NECAB1: variants seen among roughly 807,000 people sequenced by gnomAD.
The protein encoded by NECAB1 is N-terminal EF-hand calcium-binding protein 1.
A neutral mutation model predicts 57.5 loss-of-function variants in NECAB1; 29 were observed. The observed-to-expected ratio is 0.50, with a 90% CI of 0.38 to 0.69. The LOEUF is 0.69. Among genes scored for constraint, NECAB1 ranks in the 30% least tolerant of loss-of-function variants. NECAB1 has a pLI of 0.00. For synonymous variants in NECAB1, 142 were observed against 147.7 expected, an observed-to-expected ratio of 0.96 and a Z score of 0.28; for missense variants, 372 against 413.8, an observed-to-expected ratio of 0.90 and a Z score of 0.88.
In NECAB1 at chr8:90,791,844, C is replaced by G. The variant is rs1435029410; in HGVS notation, c.-43C>G. The G allele has an allele frequency of 6.7e-7, 1 of 1,489,450 alleles. No homozygotes were observed. The highest frequency in any genetic ancestry group is 2.5e-5 in the East Asian group (1 of 40,268). The allele number at this position is 1,489,450 out of a possible 1,614,324, so 92.3% of individuals were successfully genotyped here. A position where few individuals can be genotyped will look rare whatever the true frequency, so the allele number is the denominator to read the frequency against. On this transcript the variant is annotated 5_prime_UTR_variant, in exon 1 of 13. Coordinates refer to ENST00000417640, the MANE Select transcript of NECAB1 (RefSeq NM_022351.5). Reference sequence around the variant, plus strand: ...CGCGCCCTTGCCAGAGCCGGTGCGTCCGCCTAGCCCCGCTCCGCCTGAGGC... The same window carrying G: ...CGCGCCCTTGCCAGAGCCGGTGCGTGCGCCTAGCCCCGCTCCGCCTGAGGC...
At chr8:90,812,564 G>A (rs1428471372) in intron 2 of NECAB1, 1 of 152,050 alleles carries the variant, frequency 6.6e-6, no homozygotes, top group Non-Finnish European at 1.5e-5. Flanking sequence ...ATATTTTGAT[G>A]TAACAAATGA....
At chr8:90,808,685 GCC>G (rs1240898545) in intron 2 of NECAB1, among the ~76,000 whole-genome samples, 1 of 111,608 alleles carries the variant, frequency 9.0e-6, no homozygotes, top group East Asian at 2.9e-4. Flanking sequence ...TCACTTTGTC[GCC>G]CAGGCTGGAG....
chr8:90,833,459 G>C (rs1812323235), intron 3 of NECAB1, among the ~76,000 whole-genome samples: 1 of 151,624 alleles, frequency 6.6e-6, no homozygotes, highest in Admixed American at 6.6e-5. Context: ...AGAATGTGCA[G>C]GTTTGTTACG....
intron 1 of NECAB1, among the ~76,000 whole-genome samples, chr8:90,798,847 CTGTTT>C (rs1387503206): frequency 7.2e-5 from 11 of 152,160 alleles, no homozygotes; most frequent in Non-Finnish European, 1.5e-4. Context: ...AATGGTAGTT[CTGTTT>C]TAAGTTCTCT....
chr8:90,807,123 G>A (rs12681868), intron 2 of NECAB1, among the ~76,000 whole-genome samples: 57,201 of 151,866 alleles, frequency 0.38, 11,980 homozygotes, highest in East Asian at 0.81. Flanking sequence ...TTCAATATGT[G>A]GTAGTTTAAT....
chr8:90,932,195 G>A (rs1434492946), intron 8 of NECAB1, among the ~76,000 whole-genome samples: 1 of 152,138 alleles, frequency 6.6e-6, no homozygotes, highest in African/African-American at 2.4e-5. Flanking sequence ...CTAGGCTACA[G>A]TTTCTATCTG....
chr8:90,824,033 A>C (rs1732748970), intron 2 of NECAB1, among the ~76,000 whole-genome samples: 2 of 11,644 alleles, frequency 1.7e-4, no homozygotes. Flanking sequence ...AATGGAAAGA[A>C]TCTTTTGTTA....
intron 3 of NECAB1, among the ~76,000 whole-genome samples, chr8:90,837,943 C>A (rs1812395329): frequency 6.6e-6 from 1 of 152,130 alleles, no homozygotes; most frequent in Non-Finnish European, 1.5e-5. Context: ...AAATTTTTGC[C>A]CTTTATATTT....
At chr8:90,859,455 A>C (rs945662437) in intron 3 of NECAB1, among the ~76,000 whole-genome samples, 4 of 152,200 alleles carry the variant, frequency 2.6e-5, no homozygotes, top group Non-Finnish European at 5.9e-5. Context: ...AAAGAATGTA[A>C]CTATGTGTGC....
intron 2 of NECAB1, among the ~76,000 whole-genome samples, chr8:90,804,676 T>C (rs1811818521): frequency 6.6e-6 from 1 of 152,194 alleles, no homozygotes; most frequent in Non-Finnish European, 1.5e-5. Flanking sequence ...TAAAAGAGGA[T>C]TGAGGATGTT....
chr8:90,843,466 T>C (rs1459526769), intron 3 of NECAB1, among the ~76,000 whole-genome samples: 1 of 152,250 alleles, frequency 6.6e-6, no homozygotes, highest in Non-Finnish European at 1.5e-5. Context: ...GCAACTATGA[T>C]ATGCAGGGTC....
rs541871649 is a variant in NECAB1 at position 90,958,127 on chromosome 8, T to C, written c.*2615T>C. 14 of 150,112 alleles carry C rather than the reference T, an allele frequency of 9.3e-5. No homozygotes were observed. The highest frequency in any genetic ancestry group is 3.4e-3 in the Middle Eastern group (1 of 290). 9.3% of individuals were successfully genotyped at this position (150,112 alleles called of 1,614,324 possible). A position where few individuals can be genotyped will look rare whatever the true frequency, so the allele number is the denominator to read the frequency against. On this transcript the variant is annotated 3_prime_UTR_variant, in exon 13 of 13. Transcript: ENST00000417640. ...AAACAGTAACATCCAGAGTGACAAA[T>C]TGCAGGAGATTTAATGTATAAAATT...
intron 3 of NECAB1, among the ~76,000 whole-genome samples, chr8:90,848,500 T>C (rs1255375795): frequency 6.6e-6 from 1 of 152,120 alleles, no homozygotes; most frequent in African/African-American, 2.4e-5. Context: ...ATTGTGTTAG[T>C]TCATTTTCAC....
chr8:90,948,519 T>C (rs1261851498), intron 10 of NECAB1, among the ~76,000 whole-genome samples: 2 of 152,232 alleles, frequency 1.3e-5, no homozygotes. Context: ...ATTTTACTGC[T>C]AAGTTATGTG....
rs137884596 is a variant in NECAB1 at position 90,881,238 on chromosome 8, GTTTA to G, written c.357+112_357+115del. ...TATAGATTCTTTATTATCACTGATA[GTTTA>G]TTTTTCTTCATACTAAATGAGCTAT... On this transcript the variant is annotated intron_variant, in intron 5 of 12. Transcript: ENST00000417640. 1,962 of 739,138 alleles carry G rather than the reference GTTTA, an allele frequency of 2.7e-3. 4 individuals are homozygous for G. Among genetic ancestry groups the G allele is most frequent in the Non-Finnish European group, 3.8e-3 (1,685 of 447,134 alleles). 45.8% of individuals were successfully genotyped at this position (739,138 alleles called of 1,614,324 possible).
intron 3 of NECAB1, among the ~76,000 whole-genome samples, chr8:90,864,772 A>AG (rs956647793): frequency 7.9e-5 from 12 of 152,100 alleles, no homozygotes; most frequent in Non-Finnish European, 1.0e-4. Context: ...AGTGGGGAAG[A>AG]GGGGATAGCT....
chr8:90,892,730 C>G (rs530985371), intron 5 of NECAB1, among the ~76,000 whole-genome samples: 2 of 152,300 alleles, frequency 1.3e-5, no homozygotes, highest in Non-Finnish European at 1.5e-5. Context: ...TGTCACAGCA[C>G]CGAAGTCATT....
chr8:90,811,363 CT>C (rs1426800338), intron 2 of NECAB1, among the ~76,000 whole-genome samples: 1 of 152,164 alleles, frequency 6.6e-6, no homozygotes, highest in Non-Finnish European at 1.5e-5. Flanking sequence ...AGAGGCATCA[CT>C]AAGCCAAATG....
chr8:90,891,329 A>C (rs965696806), intron 5 of NECAB1, among the ~76,000 whole-genome samples: 2 of 152,160 alleles, frequency 1.3e-5, no homozygotes, highest in African/African-American at 2.4e-5. Context: ...ATATCTACTT[A>C]TTTGTTTCCC....
Sources: allele counts gnomAD v4.1 joint callset (sites outside exome capture counted in the v4.1 genomes callset), GRCh38; gene constraint gnomAD v4.1.1; transcripts MANE v1.5; gene names NCBI Gene and HGNC (gene_info 2026-07-23, HGNC 2026-07-21).